The following LILRA2 variants were observed in gnomAD, a reference collection of about 807,000 sequenced individuals.
The protein encoded by LILRA2 is leukocyte immunoglobulin-like receptor subfamily A member 2.
A neutral mutation model predicts 47.9 loss-of-function variants in LILRA2; 45 were observed. That is an observed-to-expected ratio of 0.94 (90% CI 0.74 to 1.20). LILRA2 has a LOEUF of 1.20. Among genes scored for constraint, LILRA2 ranks in the 50% most tolerant of loss-of-function variants. The pLI, the probability that LILRA2 is intolerant of heterozygous loss-of-function variation, is 0.00. For synonymous variants in LILRA2, 279 were observed against 249.2 expected, an observed-to-expected ratio of 1.12 and a Z score of -1.13; for missense variants, 651 against 598.2, an observed-to-expected ratio of 1.09 and a Z score of -0.92.
At chr19:54,577,583 C>T (rs1463032029) in intron 6 of LILRA2, 19 of 1,289,626 alleles carry the variant, frequency 1.5e-5, no homozygotes, top group Non-Finnish European at 1.8e-5. Flanking sequence ...GAGTCCACCC[C>T]AGATGTGCTC....
chr19:54,574,438 G>C lies in LILRA2; in HGVS notation c.208G>C (p.Val70Leu). The change falls in exon 3 of 8, where the codon GTT becomes CTT. Residue 70 changes from valine to leucine, a missense_variant. By Grantham distance (32) the Val-to-Leu change is conservative. Coordinates refer to ENST00000391738, the MANE Select transcript of LILRA2 (RefSeq NM_001130917.3). ...LYRENKSASW[V>L]RRIQEPGKNG... is the part of the protein sequence containing the mutation. ...TAGGGAAAACAAATCAGCATCCTGG[G>C]TTAGACGGATACAAGAGCCTGGGAA... The C allele has an allele frequency of 6.2e-7, 1 of 1,610,772 alleles. No individual in the cohort carries two copies. Among genetic ancestry groups the C allele is most frequent in the Non-Finnish European group, 8.5e-7 (1 of 1,177,310 alleles).
In LILRA2 at chr19:54,587,581, A is replaced by G. The variant is rs1329924030; in HGVS notation, c.*235A>G. The G allele has an allele frequency of 1.4e-6, 1 of 723,236 alleles. No homozygotes were observed. The highest frequency in any genetic ancestry group is 2.8e-5 in the East Asian group (1 of 35,764). 44.8% of individuals were successfully genotyped at this position (723,236 alleles called of 1,614,324 possible). On this transcript the variant is annotated 3_prime_UTR_variant, in exon 8 of 8. Transcript: ENST00000391738. ...ATGAATGTTGACTTCCCTTGACTGG[A>G]TCCCCTTTTTTTCCCATCCCCAGAC...
intron 6 of LILRA2, among the ~76,000 whole-genome samples, chr19:54,581,804 G>A (rs548331836): frequency 1.2e-4 from 18 of 149,322 alleles, no homozygotes; most frequent in African/African-American, 4.6e-4. Flanking sequence ...TCACAGAATT[G>A]GAAAAAACTA....
At chr19:54,575,749 G>T in intron 5 of LILRA2, 58 bp from the exon 6 acceptor site, 2 of 1,606,520 alleles carry the variant, frequency 1.2e-6, no homozygotes, top group Non-Finnish European at 1.7e-6. Flanking sequence ...AGAGGCCTGG[G>T]GAGGTCTCAG....
rs141931276 is a variant in LILRA2, at chr19:54,574,978, G to T, written c.600G>T (p.Ser200=). ...CGTACAGGTGCTATGCTTATGACTC[G>T]AACTCTCCCTATGTGTGGTCTCTAC... ...RWSYRCYAYD[S]NSPYVWSLPS... The change falls in exon 4 of 8, where the codon TCG becomes TCT. Residue 200 remains serine (S), a synonymous_variant. Transcript: ENST00000391738. The T allele has an allele frequency of 1.9e-6, 3 of 1,613,764 alleles. No homozygotes were observed. The highest frequency in any genetic ancestry group is 2.2e-5 in the East Asian group (1 of 44,876).
chr19:54,576,872 GC>G (rs1204400711), intron 6 of LILRA2, among the ~76,000 whole-genome samples: 1 of 152,282 alleles, frequency 6.6e-6, no homozygotes, highest in Non-Finnish European at 1.5e-5. Context: ...TTCTGAAAGA[GC>G]CCATTCCCCT....
chr19:54,576,386 G>C (rs1193795279), intron 6 of LILRA2, among the ~76,000 whole-genome samples: 1 of 152,140 alleles, frequency 6.6e-6, no homozygotes, highest in African/African-American at 2.4e-5. Flanking sequence ...GGAAGACGGA[G>C]ACCCCACCCG....
rs1568505458 is a variant in LILRA2, at chr19:54,574,888, C to G, written c.510C>G (p.Ser170=). 1.9e-6 allele frequency: 3 copies of G among 1,614,108 alleles called. No homozygotes were observed. The highest frequency in any genetic ancestry group is 2.5e-6 in the Non-Finnish European group (3 of 1,180,030). ...DEHPQRLNSH[S]HARGWSWAIF... ...ACCCACAACGCCTGAACTCCCATTC[C>G]CATGCCCGTGGGTGGTCCTGGGCCA... The change falls in exon 4 of 8, where the codon TCC becomes TCG. Residue 170 remains serine, a synonymous_variant. Coordinates refer to ENST00000391738, the MANE Select transcript of LILRA2 (RefSeq NM_001130917.3).
chr19:54,578,634 G>C (rs1460136143), intron 6 of LILRA2, among the ~76,000 whole-genome samples: 1 of 152,196 alleles, frequency 6.6e-6, no homozygotes, highest in Non-Finnish European at 1.5e-5. Flanking sequence ...TTGGGTATAT[G>C]CCCAGTAATG....
chr19:54,573,018 CTG>C (rs2062189230), upstream of LILRA2: 1 of 175,868 alleles, frequency 5.7e-6, no homozygotes, highest in African/African-American at 2.4e-5. Flanking sequence ...GGGTCTCACT[CTG>C]TCACTGAGGC....
In LILRA2 at chr19:54,587,233, G is replaced by A. The variant is rs377042732; in HGVS notation, c.1339G>A (p.Val447Met). ...AGGCCAACACCCCCAGGATTACACA[G>A]TGGAGAATCTCATCCGCATGGGTGT... ...SLGQHPQDYT[V>M]ENLIRMGVAG... The change falls in exon 8 of 8, where the codon GTG becomes ATG. Residue 447 changes from valine (V) to methionine (M), a missense_variant. By Grantham distance (21) the Val-to-Met change is conservative (BLOSUM62 1). Coordinates refer to ENST00000391738, the MANE Select transcript of LILRA2 (RefSeq NM_001130917.3). 2.1e-3 allele frequency: 3,314 copies of A among 1,613,908 alleles called. 51 individuals are homozygous for A. In the South Asian group the frequency reaches 0.034, roughly 17 times the overall value.
At chr19:54,584,109 T>G (rs750708384) in intron 6 of LILRA2, among the ~76,000 whole-genome samples, 10 of 152,256 alleles carry the variant, frequency 6.6e-5, no homozygotes, top group Admixed American at 5.2e-4. Context: ...CTCCACTCTC[T>G]TCTGGCTTGT....
Position 54,573,810 on chromosome 19 carries a change from T to C in LILRA2, c.-69T>C, listed in dbSNP as rs1317345896. On this transcript the variant is annotated 5_prime_UTR_variant, in exon 1 of 8. Transcript: ENST00000391738. Reference sequence around the variant, plus strand: ...CCAGCCTCCGAGTGTCCACACCCTGTGCGTCTCTCTGTCCTGCCAGCACTG... The same window carrying C: ...CCAGCCTCCGAGTGTCCACACCCTGCGCGTCTCTCTGTCCTGCCAGCACTG... 16 of 1,608,092 alleles carry C rather than the reference T, an allele frequency of 9.9e-6. No individual in the cohort carries two copies. Among genetic ancestry groups the C allele is most frequent in the African/African-American group, 1.3e-5 (1 of 74,452 alleles).
chr19:54,584,975 T>C (rs1433674665), intron 6 of LILRA2, among the ~76,000 whole-genome samples: 1 of 152,198 alleles, frequency 6.6e-6, no homozygotes, highest in Admixed American at 6.5e-5. Flanking sequence ...ATGTCCTTTT[T>C]GTTGACATTG....
intron 6 of LILRA2, among the ~76,000 whole-genome samples, chr19:54,578,810 C>G (rs531771982): frequency 6.6e-6 from 1 of 152,298 alleles, no homozygotes; most frequent in Admixed American, 6.5e-5. Flanking sequence ...TTAATGATTG[C>G]CATTCTAACT....
chr19:54,587,348 C>G lies in LILRA2; in HGVS notation c.*2C>G. The G allele has an allele frequency of 1.2e-6, 2 of 1,614,140 alleles. No homozygotes were observed. The highest frequency in any genetic ancestry group is 1.1e-5 in the South Asian group (1 of 91,076). ...CTACAAGATGCAGCCGGGAGGTGAA[C>G]AGCAGAGAGGACAATGCATCCTTCA... On this transcript the variant is annotated 3_prime_UTR_variant, in exon 8 of 8. Coordinates refer to ENST00000391738, the MANE Select transcript of LILRA2 (RefSeq NM_001130917.3).
chr19:54,573,750 G>GTTGCA, upstream of LILRA2: 3 of 1,571,792 alleles, frequency 1.9e-6, no homozygotes, highest in Non-Finnish European at 2.6e-6. Context: ...CTTCCTGTGT[G>GTTGCA]GTTGCACATA....
chr19:54,586,499 G>C (rs1416291708), intron 6 of LILRA2, among the ~76,000 whole-genome samples: 1 of 152,182 alleles, frequency 6.6e-6, no homozygotes, highest in East Asian at 1.9e-4. Flanking sequence ...AGGGCATGAA[G>C]GGGAGGCAGA....
At position 54,589,562 on chromosome 19, in the gene LILRA2, A is replaced by C. The variant is rs546097669; in HGVS notation, c.*2216A>C. On this transcript the variant is annotated 3_prime_UTR_variant, in exon 8 of 8. Transcript: ENST00000391738. ...AATACGTATACATTGACAATTTTAA[A>C]ATACTGCTCAAAGAAATAACAAAAG... 5.3e-5 allele frequency: 8 copies of C among 152,356 alleles called. No individual in the cohort carries two copies. The East Asian group carries it at 1.5e-3, about 29-fold the overall frequency. 9.4% of individuals were successfully genotyped at this position (152,356 alleles called of 1,614,324 possible).
Sources: allele counts gnomAD v4.1 joint callset (sites outside exome capture counted in the v4.1 genomes callset), GRCh38; gene constraint gnomAD v4.1.1; transcripts MANE v1.5; gene names NCBI Gene and HGNC (gene_info 2026-07-23, HGNC 2026-07-21).